Variants in TUSC3 observed in about 807,000 individuals in gnomAD.
TUSC3 encodes tumor suppressor candidate 3, also known as dolichyl-diphosphooligosaccharide--protein glycosyltransferase subunit TUSC3.
Under a neutral mutation model 44.8 loss-of-function variants are expected in TUSC3, and 45 were observed. The ratio of observed to expected loss-of-function variants is 1.00; its 90% CI spans 0.79 to 1.29. The LOEUF is 1.29. Among genes scored for constraint, TUSC3 ranks in the 50% most tolerant of loss-of-function variants. The probability of loss-of-function intolerance (pLI) is 0.00; values close to 1 mark genes in which losing one functional copy is unlikely to be tolerated. For missense variants in TUSC3, 519 were observed against 437.9 expected, an observed-to-expected ratio of 1.19 and a Z score of -1.65; for synonymous variants, 212 against 152.9, an observed-to-expected ratio of 1.39 and a Z score of -2.85.
At chr8:15,799,625 A>G in the TUSC3 span, among the ~76,000 whole-genome samples, 1 of 152,214 alleles carries the variant, frequency 6.6e-6, no homozygotes, top group Admixed American at 6.5e-5. Context: ...TTTGGTCAAC[A>G]TATTTACTAC....
the TUSC3 span, among the ~76,000 whole-genome samples, chr8:15,810,847 G>A: frequency 2.2e-3 from 340 of 152,194 alleles, 2 homozygotes; most frequent in African/African-American, 7.5e-3. Context: ...AGAGTCTGAC[G>A]TAAAGATCCG....
intron 6 of TUSC3, among the ~76,000 whole-genome samples, chr8:15,708,931 T>G (rs1012970498): frequency 6.6e-6 from 1 of 151,910 alleles, no homozygotes; most frequent in African/African-American, 2.4e-5. Context: ...TTCCTGAGTC[T>G]TATGTAAAGT....
rs569691641 is a variant in TUSC3, at chr8:15,711,418, TATCTC to T, written c.799-19246_799-19242del. On this transcript the variant is annotated intron_variant, in intron 6 of 10. Coordinates refer to ENST00000503731, the MANE Select transcript of TUSC3 (RefSeq NM_006765.4). ...GTTTACTTTTTCTAAACCAAAAACTTATCTCAGAAAAGAGGTTACCAGGTTTTAGA... is the reference window on the plus strand; with the variant it reads ...GTTTACTTTTTCTAAACCAAAAACTTAGAAAAGAGGTTACCAGGTTTTAGA... Among the ~76,000 whole-genome samples the T allele has an allele frequency of 2.3e-3, 342 of 151,506 alleles. 2 individuals carry two copies. The highest frequency in any genetic ancestry group is 5.2e-3 in the Admixed American group (78 of 15,140).
At chr8:15,722,875 A>G (rs1810356780) in intron 6 of TUSC3, among the ~76,000 whole-genome samples, 1 of 152,058 alleles carries the variant, frequency 6.6e-6, no homozygotes, top group South Asian at 2.1e-4. Context: ...CCCTGAATAT[A>G]TAGCCTTTCT....
the TUSC3 span, among the ~76,000 whole-genome samples, chr8:15,846,985 C>T: frequency 1.0e-3 from 152 of 152,206 alleles, no homozygotes; most frequent in African/African-American, 3.6e-3. Flanking sequence ...CTCTCAGACT[C>T]ACAAGCATCC....
At chr8:15,618,125 C>T (rs761209463) in intron 1 of TUSC3, among the ~76,000 whole-genome samples, 1 of 152,106 alleles carries the variant, frequency 6.6e-6, no homozygotes, top group Non-Finnish European at 1.5e-5. Context: ...AGCTTTCAGG[C>T]CTGGAGGTTG....
chr8:15,642,225 A>G (rs951289088), intron 2 of TUSC3, among the ~76,000 whole-genome samples: 2 of 152,192 alleles, frequency 1.3e-5, no homozygotes, highest in East Asian at 1.9e-4. Flanking sequence ...TCTCTATACA[A>G]TATATAATGC....
intron 1 of TUSC3, among the ~76,000 whole-genome samples, chr8:15,562,298 T>C (rs1802506330): frequency 6.6e-6 from 1 of 152,174 alleles, no homozygotes; most frequent in Non-Finnish European, 1.5e-5. Context: ...CTAAAAAATC[T>C]TATTTCTTAG....
At chr8:15,834,082 T>A in the TUSC3 span, among the ~76,000 whole-genome samples, 37 of 152,262 alleles carry the variant, frequency 2.4e-4, 1 homozygote, top group South Asian at 7.0e-3. Flanking sequence ...TATATTTTTC[T>A]TATAGTACTC....
intron 6 of TUSC3, among the ~76,000 whole-genome samples, chr8:15,689,956 T>C (rs1808827275): frequency 6.6e-6 from 1 of 151,976 alleles, no homozygotes; most frequent in South Asian, 2.1e-4. Flanking sequence ...CTCCTGTGAA[T>C]AGTGCTATGA....
At chr8:15,501,509 T>C (rs1204834853) in intron 2 of TUSC3, among the ~76,000 whole-genome samples, 1 of 152,216 alleles carries the variant, frequency 6.6e-6, no homozygotes, top group Non-Finnish European at 1.5e-5. Flanking sequence ...TGTAGCTGCA[T>C]AGTAAATGTT....
chr8:15,752,926 C>T (rs1811767141), intron 9 of TUSC3, among the ~76,000 whole-genome samples: 1 of 151,886 alleles, frequency 6.6e-6, no homozygotes, highest in African/African-American at 2.4e-5. Flanking sequence ...GACGATTTTA[C>T]TCAAGGAAAA....
the TUSC3 span, among the ~76,000 whole-genome samples, chr8:15,818,577 TTTTA>T: frequency 1.3e-5 from 2 of 152,202 alleles, no homozygotes; most frequent in Non-Finnish European, 2.9e-5. Context: ...TAGAGAAATC[TTTTA>T]TTTCTCAAAT....
the TUSC3 span, among the ~76,000 whole-genome samples, chr8:15,829,379 T>G: frequency 6.6e-6 from 1 of 152,222 alleles, no homozygotes; most frequent in South Asian, 2.1e-4. Context: ...AGTGGCTGAA[T>G]GACAGGGGCC....
chr8:15,506,475 T>C (rs1466023774), intron 2 of TUSC3, among the ~76,000 whole-genome samples: 1 of 152,188 alleles, frequency 6.6e-6, no homozygotes, highest in African/African-American at 2.4e-5. Flanking sequence ...ATTAGCTCAT[T>C]TTCATGCTGT....
chr8:15,441,893 ATGGATCT>A (rs1800025440), intron 1 of TUSC3, among the ~76,000 whole-genome samples: 2 of 152,162 alleles, frequency 1.3e-5, no homozygotes, highest in African/African-American at 4.8e-5. Context: ...AGCTATATGA[ATGGATCT>A]TGTATTCATT....
At position 15,600,360 on chromosome 8, in the gene TUSC3, T is replaced by C. The variant is rs547856436; in HGVS notation, c.139-22720T>C. 9.2e-5 allele frequency among the ~76,000 whole-genome samples: 14 copies of C among 151,846 alleles called. 1 individual carries two copies. In the South Asian group the frequency reaches 2.9e-3, roughly 31 times the overall value. ...GAATAAAAAATAGAGATGCTTCATCTAAGGACAAACAGGTTTGATTAGGAT... is the reference window on the plus strand; with the variant it reads ...GAATAAAAAATAGAGATGCTTCATCCAAGGACAAACAGGTTTGATTAGGAT... On this transcript the variant is annotated intron_variant, in intron 1 of 10. Coordinates refer to ENST00000503731, the MANE Select transcript of TUSC3 (RefSeq NM_006765.4).
At chr8:15,849,134 C>T in the TUSC3 span, among the ~76,000 whole-genome samples, 14 of 152,198 alleles carry the variant, frequency 9.2e-5, no homozygotes, top group East Asian at 2.3e-3. Flanking sequence ...ATACTACATT[C>T]GATCAAAATT....
intron 6 of TUSC3, among the ~76,000 whole-genome samples, chr8:15,721,049 C>T (rs949826993): frequency 3.3e-5 from 5 of 151,978 alleles, no homozygotes; most frequent in East Asian, 3.9e-4. Context: ...GACTATGCTT[C>T]GAAGAAGACA....
Sources: allele counts gnomAD v4.1 joint callset (sites outside exome capture counted in the v4.1 genomes callset), GRCh38; gene constraint gnomAD v4.1.1; transcripts MANE v1.5; gene names NCBI Gene and HGNC (gene_info 2026-07-23, HGNC 2026-07-21).